The following CHODL variants were observed in gnomAD, a reference collection of about 807,000 sequenced individuals.
CHODL encodes the protein chondrolectin.
In CHODL, 29 loss-of-function variants were observed where a neutral mutation model predicts 34.5. The ratio of observed to expected loss-of-function variants is 0.84; its 90% CI spans 0.63 to 1.15. The LOEUF is 1.15. Among genes scored for constraint, CHODL ranks in the 50% most tolerant of loss-of-function variants. CHODL has a pLI of 0.00. For synonymous variants in CHODL, 125 were observed against 116.1 expected (o/e 1.08, Z -0.49); for missense variants, 332 against 332.5 (o/e 1.00, Z 0.01).
rs568696093 is a variant in CHODL, at chr21:18,190,713, A to G, written c.-44-65796A>G. ...CTCTGCAGTGGTTTGATATGTCATCATATCACGTAAGGCTGAAGAGATTTT... is the reference window on the plus strand; with the variant it reads ...CTCTGCAGTGGTTTGATATGTCATCGTATCACGTAAGGCTGAAGAGATTTT... On this transcript the variant is annotated intron_variant, in intron 2 of 6. Transcript: ENST00000400127. Among the ~76,000 whole-genome samples the G allele has an allele frequency of 3.3e-5, 5 of 152,322 alleles. No individual in the cohort carries two copies. In the East Asian group the frequency reaches 9.6e-4, roughly 29 times the overall value.
intron 2 of CHODL, among the ~76,000 whole-genome samples, chr21:18,148,640 CCTT>C (rs1265927032): frequency 6.6e-6 from 1 of 152,062 alleles, no homozygotes; most frequent in Non-Finnish European, 1.5e-5. Flanking sequence ...AAAATTATTT[CCTT>C]CTCCATGATT....
At position 17,966,938 on chromosome 21, in the gene CHODL, T is replaced by A. The variant is rs918771077; in HGVS notation, c.-145+49538T>A. Among the ~76,000 whole-genome samples the A allele has an allele frequency of 4.0e-5, 6 of 151,288 alleles. No homozygotes were observed. The East Asian group carries it at 7.8e-4, about 20-fold the overall frequency. ...TCTTGCTCTGTTGCCCAGGTTGGAG[T>A]GCAGTGGCGCGATCTTGGCTCCCTG... On this transcript the variant is annotated intron_variant, in intron 1 of 6. Transcript: ENST00000400127.
intron 2 of CHODL, among the ~76,000 whole-genome samples, chr21:18,226,858 A>G (rs2073935764): frequency 1.3e-5 from 2 of 152,212 alleles, no homozygotes; most frequent in South Asian, 2.1e-4. Flanking sequence ...AAAAGCTTAC[A>G]TTTTCTGAAA....
At chr21:18,134,197 C>G in intron 2 of CHODL, 1 of 421,408 alleles carries the variant, frequency 2.4e-6, no homozygotes, top group South Asian at 1.7e-5. Flanking sequence ...TTCTTCAGCA[C>G]CTTCATGATG....
intron 1 of CHODL, among the ~76,000 whole-genome samples, chr21:17,919,910 T>C (rs1486781856): frequency 6.6e-6 from 1 of 152,158 alleles, no homozygotes; most frequent in Non-Finnish European, 1.5e-5. Context: ...CCTGCAAATC[T>C]CTAGGGCAGG....
chr21:18,167,232 T>G (rs80306094), intron 2 of CHODL, among the ~76,000 whole-genome samples: 29,052 of 149,154 alleles, frequency 0.19, 4,041 homozygotes, highest in East Asian at 0.46. Context: ...TGTGTGTGTG[T>G]GTGTGTGTGT....
Position 17,941,286 on chromosome 21 carries a change from CTTTT to C in CHODL, c.-145+23906_-145+23909del, listed in dbSNP as rs34255623. On this transcript the variant is annotated intron_variant, in intron 1 of 6. Transcript: ENST00000400127. ...GAAAATCCCAAAACTTAACTTGCCT[CTTTT>C]TTTTTTTTTTTTTTTTTTTCATCCC... Among the ~76,000 whole-genome samples the C allele has an allele frequency of 3.6e-4, 32 of 87,932 alleles. 1 individual carries two copies. Among genetic ancestry groups the C allele is most frequent in the African/African-American group, 1.4e-3 (31 of 21,622 alleles). 57.7% of individuals were successfully genotyped at this position (87,932 alleles called of 152,430 possible). A position where few individuals can be genotyped will look rare whatever the true frequency, so the allele number is the denominator to read the frequency against.
intron 1 of CHODL, among the ~76,000 whole-genome samples, chr21:18,014,304 A>G (rs1488712886): frequency 6.6e-6 from 1 of 152,240 alleles, no homozygotes; most frequent in Admixed American, 6.5e-5. Flanking sequence ...GCCATTAAAA[A>G]GGATGAAATC....
intron 2 of CHODL, among the ~76,000 whole-genome samples, chr21:18,060,193 G>T (rs1199597603): frequency 6.6e-6 from 1 of 152,092 alleles, no homozygotes; most frequent in Non-Finnish European, 1.5e-5. Context: ...GGTGGCTCAT[G>T]CCTGTAATCC....
At chr21:18,262,706 G>C (rs1439290640) in intron 4 of CHODL, 85 bp from the exon 5 acceptor site, 1 of 775,160 alleles carries the variant, frequency 1.3e-6, no homozygotes, top group Non-Finnish European at 2.2e-6. Context: ...TATTTCACCT[G>C]AATTTTTTGA....
intron 3 of CHODL, 74 bp downstream of exon 3, chr21:18,257,201 A>G: frequency 7.4e-7 from 1 of 1,357,514 alleles, no homozygotes. Flanking sequence ...TTTAATTTTG[A>G]CTACCTGTGG....
At chr21:18,223,338 T>A (rs897833471) in intron 2 of CHODL, among the ~76,000 whole-genome samples, 1 of 152,216 alleles carries the variant, frequency 6.6e-6, no homozygotes, top group East Asian at 1.9e-4. Context: ...TTAAATTACA[T>A]TAAAGTGTAG....
intron 1 of CHODL, among the ~76,000 whole-genome samples, chr21:18,009,174 G>A (rs545134631): frequency 7.2e-5 from 11 of 152,012 alleles, no homozygotes; most frequent in South Asian, 6.2e-4. Context: ...ATACAATTCC[G>A]TTCAGTTGAA....
At chr21:18,222,553 C>G (rs1304824815) in intron 2 of CHODL, among the ~76,000 whole-genome samples, 2 of 152,092 alleles carry the variant, frequency 1.3e-5, no homozygotes, top group African/African-American at 2.4e-5. Context: ...GTGGCTTGGG[C>G]TGCAGCTGTC....
intron 1 of CHODL, among the ~76,000 whole-genome samples, chr21:17,931,777 A>G (rs112225295): frequency 1.3e-5 from 2 of 152,190 alleles, no homozygotes; most frequent in African/African-American, 4.8e-5. Flanking sequence ...CTGGGCCTCT[A>G]TCTCTCACCA....
intron 1 of CHODL, among the ~76,000 whole-genome samples, chr21:17,940,889 C>T (rs2063357520): frequency 6.6e-6 from 1 of 152,188 alleles, no homozygotes; most frequent in Non-Finnish European, 1.5e-5. Context: ...TTCTCTCTTA[C>T]ATACCATTTC....
chr21:18,095,673 A>T lies in CHODL; in HGVS notation c.-45+67702A>T, dbSNP rs149156301. On this transcript the variant is annotated intron_variant, in intron 2 of 6. Transcript: ENST00000400127. ...ATTCTACAAGGCCAGTATTATCCTA[A>T]TACCAAAAGCAGACAAGACAGATTC... is the stretch of plus-strand genomic sequence containing the variant. Among the ~76,000 whole-genome samples, 1,330 of 152,294 alleles carry T rather than the reference A, an allele frequency of 8.7e-3. 58 individuals carry two copies. In the East Asian group the frequency reaches 0.099, roughly 11 times the overall value.
At chr21:17,926,058 G>T (rs760928867) in intron 1 of CHODL, among the ~76,000 whole-genome samples, 23 of 152,112 alleles carry the variant, frequency 1.5e-4, no homozygotes, top group Non-Finnish European at 3.1e-4. Context: ...TAAATTAGTA[G>T]GTGTAATGAT....
rs200246758 is a variant in CHODL, at chr21:17,919,448, T to C, written c.-145+2048T>C. On this transcript the variant is annotated intron_variant, in intron 1 of 6. Transcript: ENST00000400127. Reference sequence around the variant, plus strand: ...TACCAAGGTTTGGGATTCCACCCTCTGAAGCAACAGCCCAAGCTGTTACTT... The same window carrying C: ...TACCAAGGTTTGGGATTCCACCCTCCGAAGCAACAGCCCAAGCTGTTACTT... Among the ~76,000 whole-genome samples the C allele has an allele frequency of 1.6e-4, 25 of 152,304 alleles. No homozygotes were observed. In the East Asian group the frequency reaches 3.9e-3, roughly 24 times the overall value.
Sources: allele counts gnomAD v4.1 joint callset (sites outside exome capture counted in the v4.1 genomes callset), GRCh38; gene constraint gnomAD v4.1.1; transcripts MANE v1.5; gene names NCBI Gene and HGNC (gene_info 2026-07-23, HGNC 2026-07-21).